The following FSHR variants were observed in gnomAD, a reference collection of about 807,000 sequenced individuals.
FSHR encodes the protein follicle stimulating hormone receptor, also known as follicle-stimulating hormone receptor.
In FSHR, 46 loss-of-function variants were observed where a neutral mutation model predicts 52.1. The observed-to-expected ratio is 0.88, with a 90% CI of 0.70 to 1.13. The LOEUF is 1.13. FSHR is among the 50% of genes most tolerant of loss of function. FSHR has a pLI of 0.00. For missense variants in FSHR, 964 were observed against 834.6 expected (o/e 1.16, Z -1.91); for synonymous variants, 399 against 309.6 (o/e 1.29, Z -3.03).
intron 8 of FSHR, among the ~76,000 whole-genome samples, 188 bp downstream of exon 8, chr2:48,982,724 C>CT (rs1559095873): frequency 6.6e-6 from 1 of 152,146 alleles, no homozygotes; most frequent in Non-Finnish European, 1.5e-5. Flanking sequence ...ATTAGTGTTG[C>CT]TTTTTAATGG....
chr2:49,036,925 A>G (rs1417303319), intron 2 of FSHR, among the ~76,000 whole-genome samples: 4 of 152,242 alleles, frequency 2.6e-5, no homozygotes, highest in African/African-American at 7.2e-5. Context: ...AAGTAACTCC[A>G]TCTTCAACAT....
chr2:49,076,604 C>G (rs1655030844), intron 1 of FSHR, among the ~76,000 whole-genome samples: 1 of 152,156 alleles, frequency 6.6e-6, no homozygotes, highest in African/African-American at 2.4e-5. Flanking sequence ...TCCCTACAGT[C>G]TACCAAAAGT....
Position 48,990,770 on chromosome 2 carries a change from C to T in FSHR, c.375-133G>A, listed in dbSNP as rs74809436. Reference sequence around the variant, plus strand: ...AATCTACGAGAAAAGCCCGTATATACGTGAATTAGGCTCATGTTTTCTATT... The same window carrying T: ...AATCTACGAGAAAAGCCCGTATATATGTGAATTAGGCTCATGTTTTCTATT... On this transcript the variant is annotated intron_variant, in intron 4 of 9. Coordinates refer to ENST00000406846, the MANE Select transcript of FSHR (RefSeq NM_000145.4). 303 of 698,822 alleles carry T rather than the reference C, an allele frequency of 4.3e-4. 2 individuals are homozygous for T. Among genetic ancestry groups the T allele is most frequent in the African/African-American group, 3.7e-3 (207 of 56,684 alleles). 43.3% of individuals were successfully genotyped at this position (698,822 alleles called of 1,614,324 possible). A position where few individuals can be genotyped will look rare whatever the true frequency, so the allele number is the denominator to read the frequency against.
intron 1 of FSHR, among the ~76,000 whole-genome samples, chr2:49,107,324 C>T (rs960631253): frequency 2.0e-5 from 3 of 151,972 alleles, no homozygotes; most frequent in Non-Finnish European, 2.9e-5. Context: ...ATGATCTCCT[C>T]TGGGCAAGTG....
chr2:49,057,716 C>T (rs1572689360), intron 2 of FSHR, among the ~76,000 whole-genome samples: 2 of 151,220 alleles, frequency 1.3e-5, no homozygotes, highest in African/African-American at 2.4e-5. Context: ...AAGGACATAG[C>T]AAAAAAAAGA....
At chr2:49,133,867 T>G (rs538716694) in intron 1 of FSHR, among the ~76,000 whole-genome samples, 1 of 152,218 alleles carries the variant, frequency 6.6e-6, no homozygotes, top group African/African-American at 2.4e-5. Context: ...GCTAGCCATA[T>G]GTAGAAAGCT....
At chr2:49,104,120 C>T (rs1418097769) in intron 1 of FSHR, among the ~76,000 whole-genome samples, 2 of 152,068 alleles carry the variant, frequency 1.3e-5, no homozygotes, top group African/African-American at 4.8e-5. Flanking sequence ...AAACTCTTAC[C>T]TGGAGGAAGA....
At chr2:49,096,371 A>G (rs1670821763) in intron 1 of FSHR, among the ~76,000 whole-genome samples, 1 of 152,268 alleles carries the variant, frequency 6.6e-6, no homozygotes. Context: ...AACATATTGT[A>G]TATGATTATT....
intron 4 of FSHR, among the ~76,000 whole-genome samples, chr2:49,013,223 C>T (rs1210479131): frequency 2.0e-5 from 3 of 151,508 alleles, no homozygotes; most frequent in Admixed American, 6.6e-5. Context: ...GCCAGTACCT[C>T]TTGGACTTCC....
chr2:49,103,235 A>G (rs1671099429), intron 1 of FSHR, among the ~76,000 whole-genome samples: 1 of 152,140 alleles, frequency 6.6e-6, no homozygotes, highest in Non-Finnish European at 1.5e-5. Flanking sequence ...CCCTGAGGAT[A>G]TCTAGGAAGG....
chr2:49,087,472 C>T (rs544597920), intron 1 of FSHR, among the ~76,000 whole-genome samples: 16 of 152,208 alleles, frequency 1.1e-4, no homozygotes, highest in Middle Eastern at 3.4e-3. Context: ...TCTGACACTG[C>T]GCTAGGCCCT....
At chr2:49,129,093 T>C (rs2103805557) in intron 1 of FSHR, among the ~76,000 whole-genome samples, 1 of 152,220 alleles carries the variant, frequency 6.6e-6, no homozygotes, top group East Asian at 1.9e-4. Context: ...TTAAAATTTA[T>C]GTCCCAAATG....
intron 4 of FSHR, among the ~76,000 whole-genome samples, chr2:48,999,428 T>A (rs972951567): frequency 1.3e-5 from 2 of 152,072 alleles, no homozygotes; most frequent in African/African-American, 4.8e-5. Context: ...GGGTGCTTAT[T>A]GTTGTCTTAC....
chr2:49,098,335 A>G (rs1483354876), intron 1 of FSHR, among the ~76,000 whole-genome samples: 7 of 152,164 alleles, frequency 4.6e-5, no homozygotes, highest in African/African-American at 1.7e-4. Flanking sequence ...AGTGATAGAG[A>G]TAAGTAAAGA....
chr2:49,088,167 C>G (rs544538372), intron 1 of FSHR, among the ~76,000 whole-genome samples: 2 of 152,114 alleles, frequency 1.3e-5, no homozygotes, highest in African/African-American at 4.8e-5. Flanking sequence ...AAAGCCCATG[C>G]GCACAAGTCT....
chr2:49,007,882 C>CA (rs1553435817), intron 4 of FSHR, among the ~76,000 whole-genome samples: 11 of 151,538 alleles, frequency 7.3e-5, no homozygotes, highest in Non-Finnish European at 1.3e-4. Context: ...TTATCTTTTC[C>CA]TTTTTTTTAA....
chr2:49,127,358 A>G (rs980999553), intron 1 of FSHR, among the ~76,000 whole-genome samples: 2 of 152,012 alleles, frequency 1.3e-5, no homozygotes, highest in Non-Finnish European at 2.9e-5. Flanking sequence ...ACAGAAAAAG[A>G]TTCTTCCAGT....
chr2:49,151,546 T>G (rs1673063329), intron 1 of FSHR, among the ~76,000 whole-genome samples: 1 of 152,100 alleles, frequency 6.6e-6, no homozygotes, highest in Admixed American at 6.6e-5. Context: ...GAAATGAAAC[T>G]GCTGCAAGGT....
At chr2:49,113,583 C>G (rs1671502174) in intron 1 of FSHR, among the ~76,000 whole-genome samples, 1 of 152,048 alleles carries the variant, frequency 6.6e-6, no homozygotes. Flanking sequence ...TTCTTTTGCC[C>G]AAATGCATTT....
Sources: gnomAD v4.1 joint callset for allele counts (sites outside exome capture counted in the v4.1 genomes callset) on GRCh38, gnomAD v4.1.1 for gene constraint, MANE v1.5 for transcripts, NCBI Gene and HGNC (gene_info 2026-07-23, HGNC 2026-07-21) for gene names.